The following VGLL4 variants were observed in gnomAD, a reference collection of about 807,000 sequenced individuals.
VGLL4 encodes transcription cofactor vestigial-like protein 4.
Under a neutral mutation model 21.0 loss-of-function variants are expected in VGLL4, and 7 were observed. The observed-to-expected ratio is 0.33, with a 90% confidence interval of 0.19 to 0.63. VGLL4 has a LOEUF of 0.63. Among genes scored for constraint, VGLL4 ranks in the 20% least tolerant of loss-of-function variants. The pLI, the probability that VGLL4 is intolerant of heterozygous loss-of-function variation, is 0.78. For missense variants in VGLL4, 394 were observed against 425.7 expected, an observed-to-expected ratio of 0.93 and a Z score of 0.66; for synonymous variants, 222 against 173.2, an observed-to-expected ratio of 1.28 and a Z score of -2.21.
At chr3:11,631,855 G>C (rs768300026) in intron 1 of VGLL4, among the ~76,000 whole-genome samples, 22 of 152,140 alleles carry the variant, frequency 1.4e-4, no homozygotes, top group Non-Finnish European at 2.6e-4. Flanking sequence ...TAAGCCCCAG[G>C]TTTGCATTTT....
intron 1 of VGLL4, chr3:11,604,315 G>A (rs2074882373): frequency 3.5e-6 from 3 of 852,120 alleles, no homozygotes; most frequent in Non-Finnish European, 4.1e-6. Context: ...AAAACATAGC[G>A]TGACTTACCC....
chr3:11,559,321 G>A lies in VGLL4; in HGVS notation c.619+11C>T, dbSNP rs180768497. Reference sequence around the variant, plus strand: ...ACAGCTGTGACAGGTGAGGAGGCCCGGGACACTCACCGCTCGGTGGCCTCC... The same window carrying A: ...ACAGCTGTGACAGGTGAGGAGGCCCAGGACACTCACCGCTCGGTGGCCTCC... On this transcript the variant is annotated intron_variant, in intron 4 of 4. Coordinates refer to ENST00000430365, the MANE Select transcript of VGLL4 (RefSeq NM_001128219.3). 2.5e-5 allele frequency: 39 copies of A among 1,530,246 alleles called. 1 individual carries two copies. Among genetic ancestry groups the A allele is most frequent in the Non-Finnish European group, 2.3e-5 (26 of 1,136,310 alleles). The allele number at this position is 1,530,246 out of a possible 1,614,324, so 94.8% of individuals were successfully genotyped here.
At chr3:11,718,958 C>T (rs1301670769) in intron 1 of VGLL4, among the ~76,000 whole-genome samples, 4 of 152,228 alleles carry the variant, frequency 2.6e-5, no homozygotes, top group Admixed American at 6.5e-5. Flanking sequence ...CAAGCACTGT[C>T]TTCATAACCT....
chr3:11,567,553 A>G (rs1368683507), intron 2 of VGLL4, among the ~76,000 whole-genome samples: 8 of 152,232 alleles, frequency 5.3e-5, no homozygotes, highest in Admixed American at 5.2e-4. Flanking sequence ...ACGTTAAAAT[A>G]CTAAAAACCT....
intron 3 of VGLL4, among the ~76,000 whole-genome samples, chr3:11,564,045 T>C (rs746887040): frequency 6.6e-5 from 10 of 152,206 alleles, no homozygotes; most frequent in Non-Finnish European, 1.3e-4. Context: ...CCATCCTCTC[T>C]GTCAGTCTTA....
Position 11,557,579 on chromosome 3 carries a change from TCAAATAC to T in VGLL4, c.*970_*976del, listed in dbSNP as rs1204447023. On this transcript the variant is annotated 3_prime_UTR_variant, in exon 5 of 5. Coordinates refer to ENST00000430365, the MANE Select transcript of VGLL4 (RefSeq NM_001128219.3). ...GCACTACTTGTGAGTAAAGTGAATA[TCAAATAC>T]CAATCTTAGAGTACAACTGTACCAG... The T allele has an allele frequency of 6.6e-6, 1 of 152,606 alleles. No individual in the cohort carries two copies. The highest frequency in any genetic ancestry group is 2.4e-5 in the African/African-American group (1 of 41,470). The allele number at this position is 152,606 out of a possible 1,614,324, so 9.5% of individuals were successfully genotyped here.
At chr3:11,602,413 C>G (rs1057348942) in intron 1 of VGLL4, among the ~76,000 whole-genome samples, 1 of 152,082 alleles carries the variant, frequency 6.6e-6, no homozygotes, top group Admixed American at 6.5e-5. Flanking sequence ...ATTCATGAAA[C>G]CACTATGCCC....
At chr3:11,613,552 A>C (rs1002236480) in intron 1 of VGLL4, among the ~76,000 whole-genome samples, 2 of 152,114 alleles carry the variant, frequency 1.3e-5, no homozygotes, top group Admixed American at 1.3e-4. Context: ...GGTCCCGGGT[A>C]CTGTTCTGGG....
chr3:11,622,533 GCTC>G (rs1197987347), intron 1 of VGLL4, among the ~76,000 whole-genome samples: 21 of 152,192 alleles, frequency 1.4e-4, no homozygotes. Context: ...ATGCTAGAAT[GCTC>G]CTCAATTGTT....
intron 1 of VGLL4, among the ~76,000 whole-genome samples, chr3:11,713,658 C>T (rs1234817331): frequency 6.6e-6 from 1 of 151,090 alleles, no homozygotes. Context: ...CCCCAGATCA[C>T]ACCCTTTCCA....
At chr3:11,641,673 A>AT (rs1489009782) in intron 1 of VGLL4, among the ~76,000 whole-genome samples, 1 of 152,256 alleles carries the variant, frequency 6.6e-6, no homozygotes, top group Non-Finnish European at 1.5e-5. Flanking sequence ...ATAGGAGCAG[A>AT]TGTTTAAACC....
chr3:11,597,817 G>A (rs951325317), intron 2 of VGLL4, among the ~76,000 whole-genome samples: 3 of 152,138 alleles, frequency 2.0e-5, no homozygotes, highest in African/African-American at 7.2e-5. Flanking sequence ...TCTGTGTGGT[G>A]AGCAGCAGGA....
At chr3:11,636,325 C>G (rs2075585724) in intron 1 of VGLL4, among the ~76,000 whole-genome samples, 1 of 152,166 alleles carries the variant, frequency 6.6e-6, no homozygotes. Flanking sequence ...AAAATCAAAT[C>G]ATTAGCCAAG....
At position 11,601,947 on chromosome 3, in the gene VGLL4, C is replaced by T; in HGVS notation, c.158G>A (p.Gly53Asp). 6.2e-7 allele frequency: 1 copy of T among 1,612,974 alleles called. No homozygotes were observed. Among genetic ancestry groups the T allele is most frequent in the African/African-American group, 1.3e-5 (1 of 74,902 alleles). Residue 53 changes from glycine (G) to aspartate (D), a missense_variant, in exon 2 of 5, where the codon GGC (glycine) becomes GAC (aspartate). Transcript: ENST00000430365. ...VASALSSHRTGPPPISPSKRK... is the reference protein window; with the variant it reads ...VASALSSHRTDPPPISPSKRK... ...CTTGCTGGGGCTGATTGGGGGAGGG[C>T]CGGTGCGGTGACTGCTGAGGGCAGA...
At chr3:11,698,280 G>A (rs1162177449) in intron 2 of VGLL4, among the ~76,000 whole-genome samples, 4 of 152,170 alleles carry the variant, frequency 2.6e-5, no homozygotes, top group African/African-American at 4.8e-5. Context: ...AGGCCAAGGC[G>A]GGTGGATTGC....
intron 1 of VGLL4, among the ~76,000 whole-genome samples, chr3:11,614,321 CA>C (rs1304290517): frequency 3.3e-5 from 5 of 152,342 alleles, no homozygotes; most frequent in African/African-American, 4.8e-5. Flanking sequence ...CTGCTGGCTC[CA>C]ACTCAAAAAC....
At chr3:11,610,074 C>G (rs1038511298) in intron 1 of VGLL4, among the ~76,000 whole-genome samples, 2 of 152,156 alleles carry the variant, frequency 1.3e-5, no homozygotes, top group African/African-American at 4.8e-5. Context: ...GCCAAGCCAG[C>G]CGCGCTGCAC....
chr3:11,705,324 G>A (rs1040446069), intron 1 of VGLL4, among the ~76,000 whole-genome samples: 1 of 152,236 alleles, frequency 6.6e-6, no homozygotes, highest in Admixed American at 6.5e-5. Context: ...CACCGGAGCC[G>A]CGGGGAGGCA....
chr3:11,589,982 T>C (rs2074447703), intron 2 of VGLL4, among the ~76,000 whole-genome samples: 1 of 152,300 alleles, frequency 6.6e-6, no homozygotes, highest in Non-Finnish European at 1.5e-5. Context: ...ACAGATTCAA[T>C]GGCCAATTCC....
Sources: gnomAD v4.1 joint callset for allele counts (sites outside exome capture counted in the v4.1 genomes callset) on GRCh38, gnomAD v4.1.1 for gene constraint, MANE v1.5 for transcripts, NCBI Gene and HGNC (gene_info 2026-07-23, HGNC 2026-07-21) for gene names.